AP1AR: variants seen among roughly 807,000 people sequenced by gnomAD.
AP1AR encodes AP-1 complex-associated regulatory protein.
AP1AR carries 29 observed loss-of-function variants against 46.3 expected under a neutral mutation model. The observed-to-expected ratio is 0.63, with a 90% CI of 0.47 to 0.85. The LOEUF (loss-of-function observed/expected upper bound fraction) is 0.85, where lower values mean the gene tolerates loss of function less well. Ranked by LOEUF, AP1AR falls within the 40% of genes least tolerant of loss-of-function variation. The pLI is 0.00. For missense variants in AP1AR, 357 were observed against 356.3 expected (o/e 1.00, Z -0.02); for synonymous variants, 122 against 122.9 (o/e 0.99, Z 0.05).
chr4:112,246,670 G>A (rs1001195599), intron 1 of AP1AR, among the ~76,000 whole-genome samples: 2 of 152,208 alleles, frequency 1.3e-5, no homozygotes, highest in Non-Finnish European at 2.9e-5. Flanking sequence ...TAGTACTTGT[G>A]TCTAGGTAAA....
At chr4:112,235,591 G>T (rs368348340) in intron 1 of AP1AR, among the ~76,000 whole-genome samples, 1 of 151,900 alleles carries the variant, frequency 6.6e-6, no homozygotes, top group Non-Finnish European at 1.5e-5. Context: ...ATTCCTCCCC[G>T]CAATCCTGTG....
chr4:112,265,676 A>G, intron 7 of AP1AR, 58 bp from the exon 8 acceptor site: 1 of 1,284,972 alleles, frequency 7.8e-7, no homozygotes, highest in Non-Finnish European at 1.1e-6. Flanking sequence ...TAGCTTATAT[A>G]TTTGTCATAT....
At chr4:112,255,046 C>T (rs1255007316) in intron 3 of AP1AR, among the ~76,000 whole-genome samples, 4 of 151,760 alleles carry the variant, frequency 2.6e-5, no homozygotes, top group African/African-American at 4.8e-5. Context: ...CTGCAAGCTC[C>T]GCCTCCCGGG....
In AP1AR at chr4:112,232,164, G is replaced by T; in HGVS notation, c.73G>T (p.Gly25Cys). ...AGCGGGGCGGCTGCAGCGAGTAGGC[G>T]GCGGCGGAGGGTAAGCCCGCTGGGG... ...KEAGRLQRVG[G>C]GGGSKYFRTC... Residue 25 changes from glycine (G) to cysteine (C), a missense_variant, in exon 1 of 10, where the codon GGC (glycine) becomes TGC (cysteine). Around this residue, in one of 2 missense-constraint regions of AP1AR, gnomAD observed 269 missense variants for 223.6 expected, o/e 1.20. Coordinates refer to ENST00000274000, the MANE Select transcript of AP1AR (RefSeq NM_018569.6). 1.6e-6 allele frequency: 2 copies of T among 1,283,744 alleles called. No homozygotes were observed. Among genetic ancestry groups the T allele is most frequent in the Non-Finnish European group, 2.0e-6 (2 of 1,006,636 alleles). The allele number at this position is 1,283,744 out of a possible 1,614,324, so 79.5% of individuals were successfully genotyped here. A position where few individuals can be genotyped will look rare whatever the true frequency, so the allele number is the denominator to read the frequency against.
chr4:112,248,782 A>T (rs1037347244), intron 1 of AP1AR, among the ~76,000 whole-genome samples: 4 of 152,086 alleles, frequency 2.6e-5, no homozygotes, highest in African/African-American at 9.7e-5. Context: ...TATCTCTCAG[A>T]CCTTATCTCC....
intron 7 of AP1AR, 71 bp from the exon 8 acceptor site, chr4:112,265,663 C>A: frequency 8.9e-7 from 1 of 1,124,158 alleles, no homozygotes; most frequent in South Asian, 1.4e-5. Context: ...ACAATGCCAT[C>A]ATTAGCTTAT....
intron 1 of AP1AR, among the ~76,000 whole-genome samples, chr4:112,236,772 T>C (rs1319651595): frequency 6.6e-6 from 1 of 152,210 alleles, no homozygotes; most frequent in East Asian, 1.9e-4. Flanking sequence ...TATGGCATAC[T>C]GTCCCTTTGT....
intron 1 of AP1AR, among the ~76,000 whole-genome samples, chr4:112,247,259 C>T (rs1450706908): frequency 6.6e-6 from 1 of 152,036 alleles, no homozygotes; most frequent in African/African-American, 2.4e-5. Flanking sequence ...ATTGGGATAG[C>T]AAAAGCAAGC....
chr4:112,262,239 A>G (rs1726482946), intron 5 of AP1AR, among the ~76,000 whole-genome samples: 1 of 152,158 alleles, frequency 6.6e-6, no homozygotes, highest in Non-Finnish European at 1.5e-5. Context: ...GTTTGAGCCC[A>G]GGAGGTCAAG....
intron 1 of AP1AR, among the ~76,000 whole-genome samples, chr4:112,252,856 C>T (rs1342070020): frequency 1.3e-5 from 2 of 152,066 alleles, no homozygotes; most frequent in African/African-American, 4.8e-5. Flanking sequence ...TATTATTTAA[C>T]ACATCAGTAT....
At position 112,233,170 on chromosome 4, in the gene AP1AR, A is replaced by G. The variant is rs372152893; in HGVS notation, c.83+996A>G. On this transcript the variant is annotated intron_variant, in intron 1 of 9. Coordinates refer to ENST00000274000, the MANE Select transcript of AP1AR (RefSeq NM_018569.6). ...ATTTAACTAACATTATTGGGTAATAAGATGTTCAACATAAATAAATTGCAG... is the reference window on the plus strand; with the variant it reads ...ATTTAACTAACATTATTGGGTAATAGGATGTTCAACATAAATAAATTGCAG... 1.9e-3 allele frequency among the ~76,000 whole-genome samples: 287 copies of G among 149,920 alleles called. 1 individual carries two copies. The highest frequency in any genetic ancestry group is 6.8e-3 in the African/African-American group (281 of 41,428).
intron 1 of AP1AR, among the ~76,000 whole-genome samples, chr4:112,241,458 G>A (rs1471130332): frequency 6.6e-6 from 1 of 152,178 alleles, no homozygotes; most frequent in Non-Finnish European, 1.5e-5. Flanking sequence ...ATGGGCGGAA[G>A]ACCAGTGTCT....
intron 6 of AP1AR, among the ~76,000 whole-genome samples, chr4:112,264,588 A>G (rs1381012071): frequency 6.6e-6 from 1 of 152,078 alleles, no homozygotes; most frequent in East Asian, 1.9e-4. Flanking sequence ...TTCTGAGTCA[A>G]CTCAGCCAGA....
intron 1 of AP1AR, among the ~76,000 whole-genome samples, chr4:112,251,250 C>G (rs572856457): frequency 2.0e-5 from 3 of 152,300 alleles, no homozygotes; most frequent in Non-Finnish European, 4.4e-5. Flanking sequence ...CTCAGGGATT[C>G]AGAGTCATGT....
chr4:112,251,472 C>T (rs1225337118), intron 1 of AP1AR, among the ~76,000 whole-genome samples: 3 of 152,304 alleles, frequency 2.0e-5, no homozygotes, highest in Middle Eastern at 6.8e-3. Flanking sequence ...TTGGGCTTTG[C>T]CACAGCAGTG....
At chr4:112,259,529 T>A (rs1560611099) in intron 4 of AP1AR, among the ~76,000 whole-genome samples, 1 of 152,208 alleles carries the variant, frequency 6.6e-6, no homozygotes. Context: ...CTAGGTATGC[T>A]GACTATTGAT....
At chr4:112,253,330 G>GAA (rs1726043673) in intron 2 of AP1AR, 74 bp downstream of exon 2, 1 of 1,092,872 alleles carries the variant, frequency 9.2e-7, no homozygotes, top group African/African-American at 1.6e-5. Flanking sequence ...TGTAAAGAGG[G>GAA]AAAGATCTGG....
At chr4:112,241,182 C>T (rs540910473) in intron 1 of AP1AR, among the ~76,000 whole-genome samples, 7 of 152,218 alleles carry the variant, frequency 4.6e-5, no homozygotes, top group South Asian at 2.1e-4. Context: ...ACATATTCTT[C>T]GTAAACGTGT....
chr4:112,258,876 G>A (rs969133928), intron 4 of AP1AR, among the ~76,000 whole-genome samples: 4 of 152,192 alleles, frequency 2.6e-5, no homozygotes, highest in Admixed American at 2.6e-4. Context: ...GCTAGCAGAA[G>A]TTAGAGCTGA....
Sources: allele counts gnomAD v4.1 joint callset (sites outside exome capture counted in the v4.1 genomes callset), GRCh38; gene constraint gnomAD v4.1.1; regional missense constraint gnomAD v4.1.1; transcripts MANE v1.5; gene names NCBI Gene and HGNC (gene_info 2026-07-23, HGNC 2026-07-21).